CRB1: variants seen among roughly 807,000 people sequenced by gnomAD.
CRB1 encodes crumbs cell polarity complex component 1, also known as protein crumbs homolog 1.
Under a neutral mutation model 120.0 loss-of-function variants are expected in CRB1, and 83 were observed. The observed-to-expected ratio is 0.69, with a 90% CI of 0.58 to 0.83. The LOEUF is 0.83. Ranked by LOEUF, CRB1 falls within the 40% of genes least tolerant of loss-of-function variation. The probability of loss-of-function intolerance (pLI) is 0.00; values close to 1 mark genes in which losing one functional copy is unlikely to be tolerated. For synonymous variants in CRB1, 625 were observed against 612.5 expected (o/e 1.02, Z -0.30); for missense variants, 1,699 against 1,687.6 (o/e 1.01, Z -0.12).
chr1:197,296,226 G>A (rs1205159504), intron 1 of CRB1, among the ~76,000 whole-genome samples: 1 of 152,024 alleles, frequency 6.6e-6, no homozygotes, highest in Non-Finnish European at 1.5e-5. Flanking sequence ...GAGCCAGACT[G>A]CAGGCCTTGA....
rs1658673610 is a variant in CRB1 at position 197,328,729 on chromosome 1, T to A, written c.378T>A (p.His126Gln). The change falls in exon 2 of 12, where the codon CAT (histidine) becomes CAA (glutamine). Residue 126 changes from histidine to glutamine, a missense_variant. By Grantham distance (24) the His-to-Gln change is conservative. Coordinates refer to ENST00000367400, the MANE Select transcript of CRB1 (RefSeq NM_201253.3). ...KNSCQHGGIC[H>Q]QDPIYPVCIC... ...CCTGCCAACATGGAGGTATTTGCCA[T>A]CAGGACCCTATTTATCCTGTCTGCA... The A allele has an allele frequency of 1.9e-6, 3 of 1,611,988 alleles. No individual in the cohort carries two copies. The highest frequency in any genetic ancestry group is 2.5e-6 in the Non-Finnish European group (3 of 1,178,556).
chr1:197,441,932 T>C (rs1393841605), intron 10 of CRB1: 2 of 546,534 alleles, frequency 3.7e-6, no homozygotes, highest in East Asian at 6.1e-5. Flanking sequence ...CTCATTCTAA[T>C]TAATTCCGTG....
At chr1:197,357,274 A>C (rs112349861) in intron 5 of CRB1, 42 of 525,828 alleles carry the variant, frequency 8.0e-5, no homozygotes, top group African/African-American at 7.0e-4. Context: ...ACTGGAGTGC[A>C]TCTCAAGTTC....
At chr1:197,314,578 C>T (rs1289088777) in intron 1 of CRB1, among the ~76,000 whole-genome samples, 2 of 152,078 alleles carry the variant, frequency 1.3e-5, no homozygotes, top group Admixed American at 6.6e-5. Context: ...AAAGGGGTTC[C>T]TGATTATGTT....
At chr1:197,287,795 A>C (rs603431) in intron 1 of CRB1, among the ~76,000 whole-genome samples, 1 of 151,960 alleles carries the variant, frequency 6.6e-6, no homozygotes, top group Non-Finnish European at 1.5e-5. Flanking sequence ...CATACATTAC[A>C]TTTTACAATT....
the CRB1 span, among the ~76,000 whole-genome samples, chr1:197,260,504 A>C: frequency 2.0e-5 from 3 of 151,908 alleles, no homozygotes; most frequent in Admixed American, 6.6e-5. Flanking sequence ...CTGTGTTAGT[A>C]AGCCTGATAA....
intron 1 of CRB1, among the ~76,000 whole-genome samples, chr1:197,279,441 C>A (rs1337903176): frequency 1.3e-5 from 2 of 151,408 alleles, no homozygotes; most frequent in Non-Finnish European, 3.0e-5. Flanking sequence ...GCATTACTTT[C>A]TGTAATTATA....
intron 1 of CRB1, among the ~76,000 whole-genome samples, chr1:197,308,241 C>T (rs1244597901): frequency 6.6e-6 from 1 of 152,138 alleles, no homozygotes. Flanking sequence ...GTTAAGCACA[C>T]ATGGACATAA....
intron 5 of CRB1, among the ~76,000 whole-genome samples, chr1:197,362,274 A>G (rs1191470202): frequency 1.3e-5 from 2 of 152,104 alleles, no homozygotes; most frequent in Non-Finnish European, 2.9e-5. Flanking sequence ...ACAGGATACA[A>G]TCTATCTTGG....
chr1:197,442,869 A>C, intron 11 of CRB1: 1 of 184,118 alleles, frequency 5.4e-6, no homozygotes, highest in Admixed American at 5.6e-5. Flanking sequence ...TCACTCCTAT[A>C]ATCCCAGCAC....
chr1:197,330,137 T>C (rs780021260), intron 2 of CRB1, among the ~76,000 whole-genome samples: 1 of 152,190 alleles, frequency 6.6e-6, no homozygotes, highest in African/African-American at 2.4e-5. Context: ...ACATTCCTAG[T>C]TGCTCTAAAA....
chr1:197,447,726 G>T (rs1665768010), intron 11 of CRB1, among the ~76,000 whole-genome samples: 1 of 152,044 alleles, frequency 6.6e-6, no homozygotes, highest in African/African-American at 2.4e-5. Context: ...GCATGTGCCT[G>T]TAGTCCCAGC....
the CRB1 span, among the ~76,000 whole-genome samples, chr1:197,241,265 A>C: frequency 6.6e-6 from 1 of 152,122 alleles, no homozygotes; most frequent in Non-Finnish European, 1.5e-5. Context: ...TTAGTCATGA[A>C]GTCTTTGCCC....
rs186376180 is a variant in CRB1, at chr1:197,271,898, A to G, written c.70+3416A>G. ...AATTTAAAAGTAACTGTTTTAATCT[A>G]CGTTTAAAGTATGATCACAACATGT... is the stretch of plus-strand genomic sequence containing the variant. On this transcript the variant is annotated intron_variant, in intron 1 of 11. Transcript: ENST00000367400. Among the ~76,000 whole-genome samples the G allele has an allele frequency of 6.9e-4, 105 of 152,276 alleles. 1 individual carries two copies. The highest frequency in any genetic ancestry group is 1.9e-3 in the African/African-American group (80 of 41,582).
At chr1:197,383,890 G>A (rs755691736) in intron 5 of CRB1, among the ~76,000 whole-genome samples, 3 of 152,124 alleles carry the variant, frequency 2.0e-5, no homozygotes, top group Non-Finnish European at 4.4e-5. Flanking sequence ...GAATATATAA[G>A]CAAATAAATA....
chr1:197,322,488 A>AATT (rs1444641410), intron 1 of CRB1, among the ~76,000 whole-genome samples: 3 of 151,124 alleles, frequency 2.0e-5, no homozygotes, highest in Non-Finnish European at 4.4e-5. Flanking sequence ...TAATAATAAT[A>AATT]ATTTTTATAC....
intron 11 of CRB1, among the ~76,000 whole-genome samples, chr1:197,458,913 G>A (rs1385216184): frequency 2.0e-5 from 3 of 152,064 alleles, no homozygotes; most frequent in Admixed American, 6.6e-5. Context: ...AAGTCTGATC[G>A]CTATGAGCTA....
the CRB1 span, among the ~76,000 whole-genome samples, chr1:197,235,069 A>G: frequency 6.6e-6 from 1 of 152,222 alleles, no homozygotes; most frequent in African/African-American, 2.4e-5. Flanking sequence ...AGGAGATAGT[A>G]TGCATTTTAA....
chr1:197,452,663 A>G (rs1666028436), intron 11 of CRB1, among the ~76,000 whole-genome samples: 1 of 152,202 alleles, frequency 6.6e-6, no homozygotes, highest in African/African-American at 2.4e-5. Context: ...TAGGGATCAG[A>G]GCAAGGTTTA....
Sources: allele counts gnomAD v4.1 joint callset (sites outside exome capture counted in the v4.1 genomes callset), GRCh38; gene constraint gnomAD v4.1.1; transcripts MANE v1.5; gene names NCBI Gene and HGNC (gene_info 2026-07-23, HGNC 2026-07-21).